Variants in PTPRG observed in about 807,000 individuals in gnomAD.
PTPRG encodes protein tyrosine phosphatase receptor type G.
Under a neutral mutation model 165.3 loss-of-function variants are expected in PTPRG, and 102 were observed. That is an observed-to-expected ratio of 0.62 (90% CI 0.53 to 0.73). PTPRG has a LOEUF of 0.73. Among genes scored for constraint, PTPRG ranks in the 30% least tolerant of loss-of-function variants. PTPRG has a pLI of 0.00. For synonymous variants in PTPRG, 675 were observed against 669.5 expected, an observed-to-expected ratio of 1.01 and a Z score of -0.13; for missense variants, 1,866 against 1,861.4, an observed-to-expected ratio of 1.00 and a Z score of -0.05.
At position 62,214,672 on chromosome 3, in the gene PTPRG, G is replaced by A. The variant is rs962802329; in HGVS notation, c.2156-4179G>A. On this transcript the variant is annotated intron_variant, in intron 12 of 29. Transcript: ENST00000474889. The surrounding 1 kb of genome is among the most constrained non-coding windows in gnomAD (Gnocchi z 5.2). ...AGCAACACAAGATGATGATAGTGGT[G>A]GTGGTACTTGTCATTTGCTTGATGC... Among the ~76,000 whole-genome samples the A allele has an allele frequency of 6.6e-6, 1 of 152,136 alleles. No homozygotes were observed. The highest frequency in any genetic ancestry group is 2.4e-5 in the African/African-American group (1 of 41,414).
At chr3:62,064,878 C>T (rs922036609) in intron 4 of PTPRG, among the ~76,000 whole-genome samples, 3 of 151,784 alleles carry the variant, frequency 2.0e-5, no homozygotes, top group Admixed American at 6.6e-5. Context: ...ATTACAGGCG[C>T]GTGCCACCAC....
At chr3:61,735,900 A>T (rs1020652677) in intron 1 of PTPRG, among the ~76,000 whole-genome samples, 1 of 132,212 alleles carries the variant, frequency 7.6e-6, no homozygotes, top group Non-Finnish European at 1.6e-5. Context: ...CATCCATGTT[A>T]AAACAATGAT....
chr3:61,899,134 A>C (rs1163036436), intron 2 of PTPRG, among the ~76,000 whole-genome samples: 3 of 152,166 alleles, frequency 2.0e-5, no homozygotes, highest in Non-Finnish European at 2.9e-5. Context: ...CCAGGCTGTA[A>C]GTTTTTTAAA....
intron 2 of PTPRG, among the ~76,000 whole-genome samples, chr3:61,927,884 A>G (rs114417238): frequency 2.0e-5 from 3 of 152,286 alleles, no homozygotes; most frequent in Non-Finnish European, 4.4e-5. Context: ...TGATTGGTAA[A>G]GGTGGACATT....
chr3:62,283,805 C>G (rs1021779203), intron 28 of PTPRG, among the ~76,000 whole-genome samples: 10 of 152,090 alleles, frequency 6.6e-5, no homozygotes, highest in African/African-American at 2.4e-4. Context: ...ATAGTACTCT[C>G]CTACTTGAAG....
intron 14 of PTPRG, among the ~76,000 whole-genome samples, chr3:62,235,395 T>C (rs1701007118): frequency 1.3e-5 from 2 of 152,192 alleles, no homozygotes; most frequent in Admixed American, 6.5e-5. Flanking sequence ...TGGGAAGTCC[T>C]GTCCAGGGCT....
chr3:61,893,834 A>G (rs576564853), intron 2 of PTPRG, among the ~76,000 whole-genome samples: 42 of 152,278 alleles, frequency 2.8e-4, no homozygotes, highest in African/African-American at 9.6e-4. Context: ...GTTTATGCAA[A>G]CAACTCTTAA....
chr3:61,650,126 C>A (rs1476300445), intron 1 of PTPRG, among the ~76,000 whole-genome samples: 1 of 152,124 alleles, frequency 6.6e-6, no homozygotes, highest in African/African-American at 2.4e-5. Flanking sequence ...AAGCCTGGTA[C>A]TTTTTTTCCC....
intron 3 of PTPRG, among the ~76,000 whole-genome samples, chr3:61,994,880 G>C (rs1575862778): frequency 6.6e-6 from 1 of 152,060 alleles, no homozygotes; most frequent in East Asian, 1.9e-4. Context: ...CCCTCCCCAA[G>C]GTCAAGCAAG....
chr3:61,645,343 T>C (rs1275953345), intron 1 of PTPRG, among the ~76,000 whole-genome samples: 1 of 152,244 alleles, frequency 6.6e-6, no homozygotes, highest in Non-Finnish European at 1.5e-5. Context: ...GGAACTCCTT[T>C]CTAGGTTTTG....
chr3:62,008,524 C>T (rs750969297), intron 4 of PTPRG, among the ~76,000 whole-genome samples: 43 of 152,194 alleles, frequency 2.8e-4, no homozygotes, highest in Non-Finnish European at 4.8e-4. Flanking sequence ...ACCATGTACA[C>T]GTTACCATAT....
chr3:61,886,612 A>G (rs2038045113), intron 2 of PTPRG, among the ~76,000 whole-genome samples: 1 of 152,128 alleles, frequency 6.6e-6, no homozygotes, highest in Non-Finnish European at 1.5e-5. Flanking sequence ...AGGTGGAAAG[A>G]CAGAAAGCTT....
chr3:62,269,488 A>G (rs114758740), intron 20 of PTPRG, among the ~76,000 whole-genome samples: 1,763 of 152,106 alleles, frequency 0.012, 16 homozygotes, highest in Middle Eastern at 0.044. Context: ...TTTTATTCCA[A>G]TTTTCTGACA....
At chr3:62,126,467 G>A (rs35593266) in intron 5 of PTPRG, among the ~76,000 whole-genome samples, 16,766 of 152,208 alleles carry the variant, frequency 0.11, 974 homozygotes, top group South Asian at 0.12. Context: ...ATTTATAATT[G>A]TGTTTTGTTT....
chr3:61,737,564 A>G (rs1233393330), intron 1 of PTPRG, among the ~76,000 whole-genome samples: 1 of 152,140 alleles, frequency 6.6e-6, no homozygotes, highest in African/African-American at 2.4e-5. Context: ...TGGGCTATTG[A>G]GTGGCTGACC....
At chr3:61,850,357 G>C (rs1044053021) in intron 2 of PTPRG, among the ~76,000 whole-genome samples, 1 of 152,082 alleles carries the variant, frequency 6.6e-6, no homozygotes, top group Non-Finnish European at 1.5e-5. Context: ...TAGAGGTGGG[G>C]TTTCCGCATG....
chr3:61,744,057 T>G (rs2033103566), intron 1 of PTPRG, among the ~76,000 whole-genome samples: 1 of 152,206 alleles, frequency 6.6e-6, no homozygotes, highest in Non-Finnish European at 1.5e-5. Flanking sequence ...CAAAGAGTAT[T>G]AAAATTGATT....
At chr3:61,730,258 C>CACAA (rs2032440073) in intron 1 of PTPRG, among the ~76,000 whole-genome samples, 1 of 151,774 alleles carries the variant, frequency 6.6e-6, no homozygotes, top group Non-Finnish European at 1.5e-5. Flanking sequence ...CGTGCTTTTA[C>CACAA]ACTGTCATTA....
At chr3:61,952,832 A>G (rs538318434) in intron 2 of PTPRG, among the ~76,000 whole-genome samples, 50 of 152,116 alleles carry the variant, frequency 3.3e-4, no homozygotes, top group East Asian at 2.3e-3. Context: ...TCCCCTACTC[A>G]CTGCCACCAC....
Sources: allele counts gnomAD v4.1 joint callset (sites outside exome capture counted in the v4.1 genomes callset), GRCh38; gene constraint gnomAD v4.1.1; non-coding constraint Gnocchi (gnomAD v3.1); transcripts MANE v1.5; gene names NCBI Gene and HGNC (gene_info 2026-07-23, HGNC 2026-07-21).